Variants in SH3BP4 observed in about 807,000 individuals in gnomAD.
SH3BP4 encodes the protein SH3 domain binding protein 4.
In SH3BP4, 33 loss-of-function variants were observed where a neutral mutation model predicts 65.5. The ratio of observed to expected loss-of-function variants is 0.50; its 90% CI spans 0.38 to 0.67. The LOEUF is 0.67. SH3BP4 is among the 30% of genes least tolerant of loss of function. The pLI, the probability that SH3BP4 is intolerant of heterozygous loss-of-function variation, is 0.00. For synonymous variants in SH3BP4, 552 were observed against 545.5 expected (o/e 1.01, Z -0.17); for missense variants, 1,134 against 1,261.4 (o/e 0.90, Z 1.53).
intron 1 of SH3BP4, among the ~76,000 whole-genome samples, chr2:234,969,737 G>A (rs1277720949): frequency 6.6e-6 from 1 of 152,114 alleles, no homozygotes. Context: ...GATGCCTGTG[G>A]GTCCTCTCAG....
chr2:234,952,088 G>T lies in SH3BP4; in HGVS notation c.-289G>T. On this transcript the variant is annotated 5_prime_UTR_variant, in exon 1 of 6. Transcript: ENST00000392011. The surrounding 1 kb of genome is among the most constrained non-coding windows in gnomAD (Gnocchi z 6.5). ...CGCCGCCGCCGCCGTGAGTCCCGCG[G>T]AGCCGCGCGCGCCCCCGGCTGGGCC... 1 of 148,322 alleles carries T rather than the reference G, an allele frequency of 6.7e-6. No individual in the cohort carries two copies. Among genetic ancestry groups the T allele is most frequent in the South Asian group, 1.8e-4 (1 of 5,602 alleles). 9.2% of individuals were successfully genotyped at this position (148,322 alleles called of 1,614,324 possible).
rs781005683 is a variant in SH3BP4 at position 235,046,678 on chromosome 2, G to A, written c.2478+3431G>A. 1.5e-4 allele frequency among the ~76,000 whole-genome samples: 23 copies of A among 152,098 alleles called. No homozygotes were observed. Among genetic ancestry groups the A allele is most frequent in the Middle Eastern group, 6.8e-3 (2 of 294 alleles). On this transcript the variant is annotated intron_variant, in intron 4 of 5. Coordinates refer to ENST00000392011, the MANE Select transcript of SH3BP4 (RefSeq NM_014521.3). This position sits in a 1 kb window ranked among gnomAD's most constrained non-coding sequence, Gnocchi z 4.2. Reference sequence around the variant, plus strand: ...TAGGTCCCATGAGAGGAAGGGCCCCGGCACATAAGAATCACTGAGGTACTA... The same window carrying A: ...TAGGTCCCATGAGAGGAAGGGCCCCAGCACATAAGAATCACTGAGGTACTA...
Position 235,045,340 on chromosome 2 carries a change from G to A in SH3BP4, c.2478+2093G>A, listed in dbSNP as rs928747275. Among the ~76,000 whole-genome samples, 6 of 152,188 alleles carry A rather than the reference G, an allele frequency of 3.9e-5. No homozygotes were observed. Among genetic ancestry groups the A allele is most frequent in the Admixed American group, 2.0e-4 (3 of 15,284 alleles). ...ACACCAGCTGTGGAAAATAACCGCC[G>A]AGTAGGTGGCTTTTACACTCATTTT... On this transcript the variant is annotated intron_variant, in intron 4 of 5. Coordinates refer to ENST00000392011, the MANE Select transcript of SH3BP4 (RefSeq NM_014521.3). This position sits in a 1 kb window ranked among gnomAD's most constrained non-coding sequence, Gnocchi z 4.3.
rs1574838177 is a variant in SH3BP4 at position 235,035,207 on chromosome 2, T to G, written c.118+87T>G. The G allele has an allele frequency of 1.0e-6, 1 of 956,988 alleles. No individual in the cohort carries two copies. The allele number at this position is 956,988 out of a possible 1,614,324, so 59.3% of individuals were successfully genotyped here. On this transcript the variant is annotated intron_variant, in intron 3 of 5. Transcript: ENST00000392011. The surrounding 1 kb of genome is among the most constrained non-coding windows in gnomAD (Gnocchi z 5.0). ...CCAAGAACTTTTCTGCTTTAAAGAT[T>G]GCCAGTTTAGCATTCAGATAGTTAA...
At chr2:235,003,900 G>A (rs1488263016) in intron 2 of SH3BP4, among the ~76,000 whole-genome samples, 1 of 152,162 alleles carries the variant, frequency 6.6e-6, no homozygotes, top group African/African-American at 2.4e-5. Context: ...TTTGAGTTGG[G>A]TTTTGAGAGT....
intron 2 of SH3BP4, among the ~76,000 whole-genome samples, chr2:235,020,283 G>T (rs2106308387): frequency 6.6e-6 from 1 of 152,324 alleles, no homozygotes; most frequent in South Asian, 2.1e-4. Flanking sequence ...ATCACTTGAG[G>T]TCAGGAGTTC....
intron 1 of SH3BP4, among the ~76,000 whole-genome samples, chr2:234,963,266 A>G (rs1389283232): frequency 6.6e-6 from 1 of 152,210 alleles, no homozygotes; most frequent in African/African-American, 2.4e-5. Context: ...AGATTTTTCC[A>G]TGCATGTTAA....
intron 1 of SH3BP4, among the ~76,000 whole-genome samples, chr2:234,959,509 C>T (rs1692658833): frequency 1.3e-5 from 2 of 152,290 alleles, no homozygotes; most frequent in East Asian, 1.9e-4. Flanking sequence ...AGTAATTCCT[C>T]CCTATGAATA....
Position 235,041,346 on chromosome 2 carries a change from CTCCTTT to C in SH3BP4, c.579_584del (p.Leu194_Phe195del), listed in dbSNP as rs758252684. 10 of 1,614,048 alleles carry C rather than the reference CTCCTTT, an allele frequency of 6.2e-6. No individual in the cohort carries two copies. Among genetic ancestry groups the C allele is most frequent in the Admixed American group, 1.7e-5 (1 of 60,008 alleles). ...GAATCCCAAAAGTACTGTGGATTTG[CTCCTTT>C]TTGACGCAGGTACATCCTCCTTCAC... On this transcript the variant is annotated inframe_deletion, in exon 4 of 6. Transcript: ENST00000392011. The surrounding 1 kb of genome is among the most constrained non-coding windows in gnomAD (Gnocchi z 6.0).
intron 1 of SH3BP4, among the ~76,000 whole-genome samples, chr2:234,990,624 T>C (rs1176601567): frequency 6.6e-6 from 1 of 152,134 alleles, no homozygotes; most frequent in Non-Finnish European, 1.5e-5. Flanking sequence ...GCCTGTAGGT[T>C]GAGTTGGGTG....
At chr2:235,004,232 C>T (rs968514077) in intron 2 of SH3BP4, among the ~76,000 whole-genome samples, 5 of 152,146 alleles carry the variant, frequency 3.3e-5, no homozygotes, top group African/African-American at 9.7e-5. Context: ...TGTGCATGTG[C>T]ATAATATTTT....
rs1249175477 is a variant in SH3BP4 at position 234,976,652 on chromosome 2, A to G, written c.-206-18651A>G. On this transcript the variant is annotated intron_variant, in intron 1 of 5. Coordinates refer to ENST00000392011, the MANE Select transcript of SH3BP4 (RefSeq NM_014521.3). This position sits in a 1 kb window ranked among gnomAD's most constrained non-coding sequence, Gnocchi z 4.7. ...GGCTGGGCAGGTGACCAAGGTCACCATGGCAGGGATAAGTCACGCTGATGG... is the reference window on the plus strand; with the variant it reads ...GGCTGGGCAGGTGACCAAGGTCACCGTGGCAGGGATAAGTCACGCTGATGG... Among the ~76,000 whole-genome samples, 1 of 152,204 alleles carries G rather than the reference A, an allele frequency of 6.6e-6. No individual in the cohort carries two copies. Among genetic ancestry groups the G allele is most frequent in the Non-Finnish European group, 1.5e-5 (1 of 68,044 alleles).
At position 235,015,707 on chromosome 2, in the gene SH3BP4, G is replaced by C. The variant is rs578193882; in HGVS notation, c.-132-19164G>C. ...TGGGCAGGTTCTTGAAGATCTGAGT[G>C]GTGGGGTTGGCCAGAGGATGGGGCT... is the stretch of plus-strand genomic sequence containing the variant. On this transcript the variant is annotated intron_variant, in intron 2 of 5. Transcript: ENST00000392011. Among the ~76,000 whole-genome samples the C allele has an allele frequency of 2.0e-5, 3 of 152,318 alleles. No individual in the cohort carries two copies. In the South Asian group the frequency reaches 6.2e-4, roughly 32 times the overall value.
chr2:235,036,740 A>AAAAAAAAAATAAAATAATAATAAT (rs146049108), intron 3 of SH3BP4, among the ~76,000 whole-genome samples: 5 of 141,740 alleles, frequency 3.5e-5, no homozygotes, highest in African/African-American at 1.1e-4. Flanking sequence ...TCTATATAAA[A>AAAAAAAAAATAAAATAATAATAAT]AATAATAATA....
At chr2:235,044,207 C>T (rs938009344) in intron 4 of SH3BP4, among the ~76,000 whole-genome samples, 9 of 152,166 alleles carry the variant, frequency 5.9e-5, no homozygotes, top group Non-Finnish European at 1.2e-4. Flanking sequence ...TGAGTTGGGG[C>T]GAGGACAGCA....
intron 1 of SH3BP4, among the ~76,000 whole-genome samples, chr2:234,988,242 G>A (rs894037475): frequency 4.6e-5 from 7 of 152,090 alleles, no homozygotes; most frequent in Non-Finnish European, 1.0e-4. Context: ...TGTATTTTTA[G>A]TAGAGACAGG....
chr2:234,975,731 C>T (rs1458334755), intron 1 of SH3BP4, among the ~76,000 whole-genome samples: 2 of 152,062 alleles, frequency 1.3e-5, no homozygotes, highest in African/African-American at 4.8e-5. Flanking sequence ...TGAAAATTAG[C>T]TGGGCATGGT....
At chr2:234,971,426 A>G (rs1215859421) in intron 1 of SH3BP4, among the ~76,000 whole-genome samples, 1 of 152,198 alleles carries the variant, frequency 6.6e-6, no homozygotes, top group East Asian at 1.9e-4. Flanking sequence ...CCTCGTGGCT[A>G]TTGCGAATAA....
At chr2:235,013,226 G>C (rs796404500) in intron 2 of SH3BP4, among the ~76,000 whole-genome samples, 1 of 152,200 alleles carries the variant, frequency 6.6e-6, no homozygotes, top group African/African-American at 2.4e-5. Flanking sequence ...TCCGCTGTCC[G>C]AGTGGCTTTC....
Sources: gnomAD v4.1 joint callset for allele counts (sites outside exome capture counted in the v4.1 genomes callset) on GRCh38, gnomAD v4.1.1 for gene constraint, Gnocchi (gnomAD v3.1) non-coding constraint, MANE v1.5 for transcripts, NCBI Gene and HGNC (gene_info 2026-07-23, HGNC 2026-07-21) for gene names.